Variants in SRPK2 observed in about 807,000 individuals in gnomAD.
SRPK2 encodes SFRS protein kinase 2.
A neutral mutation model predicts 90.8 loss-of-function variants in SRPK2; 21 were observed. The observed-to-expected ratio is 0.23, with a 90% CI of 0.16 to 0.33. The LOEUF is 0.33. Ranked by LOEUF, SRPK2 falls within the 10% of genes least tolerant of loss-of-function variation. The pLI, the probability that SRPK2 is intolerant of heterozygous loss-of-function variation, is 1.00. For missense variants in SRPK2, 620 were observed against 869.0 expected, an observed-to-expected ratio of 0.71 and a Z score of 3.60; for synonymous variants, 288 against 311.1, an observed-to-expected ratio of 0.93 and a Z score of 0.78.
chr7:105,208,468 C>T (rs1585181472), intron 2 of SRPK2, among the ~76,000 whole-genome samples: 1 of 152,158 alleles, frequency 6.6e-6, no homozygotes, highest in East Asian at 1.9e-4. Flanking sequence ...AAATGAAGTA[C>T]TGATATATGC....
At chr7:105,347,682 C>T (rs1816631450) in intron 2 of SRPK2, among the ~76,000 whole-genome samples, 1 of 151,690 alleles carries the variant, frequency 6.6e-6, no homozygotes, top group African/African-American at 2.4e-5. Flanking sequence ...GGCAAGACCC[C>T]CATCTCTGCA....
intron 2 of SRPK2, among the ~76,000 whole-genome samples, chr7:105,263,791 C>T (rs539104869): frequency 6.4e-4 from 98 of 152,204 alleles, no homozygotes; most frequent in Admixed American, 2.7e-3. Flanking sequence ...TTTCAATAAA[C>T]TGTATTTCAT....
At chr7:105,119,692 T>A (rs58002268) in intron 15 of SRPK2, among the ~76,000 whole-genome samples, 1 of 152,132 alleles carries the variant, frequency 6.6e-6, no homozygotes, top group Non-Finnish European at 1.5e-5. Flanking sequence ...ACAGTCTCCA[T>A]AAAAACAAAG....
chr7:105,304,759 A>C (rs1050543723), intron 2 of SRPK2, among the ~76,000 whole-genome samples: 3 of 152,212 alleles, frequency 2.0e-5, no homozygotes, highest in African/African-American at 7.2e-5. Flanking sequence ...TGACTACAGG[A>C]ATCTTGAAAC....
chr7:105,313,423 G>A (rs1460946086), intron 2 of SRPK2, among the ~76,000 whole-genome samples: 1 of 145,810 alleles, frequency 6.9e-6, no homozygotes, highest in Admixed American at 7.0e-5. Context: ...CTCCCGCCTG[G>A]GCAACAGAGT....
upstream of SRPK2, among the ~76,000 whole-genome samples, chr7:105,390,928 C>G (rs1822164057): frequency 1.3e-5 from 2 of 152,078 alleles, no homozygotes; most frequent in Admixed American, 1.3e-4. Flanking sequence ...CTTAGTGCAT[C>G]AAAATATGAT....
At chr7:105,291,459 T>C (rs1386453561) in intron 2 of SRPK2, among the ~76,000 whole-genome samples, 2 of 152,188 alleles carry the variant, frequency 1.3e-5, no homozygotes, top group Non-Finnish European at 2.9e-5. Context: ...CTGGGCACAG[T>C]GGCTCACACC....
intron 2 of SRPK2, among the ~76,000 whole-genome samples, chr7:105,321,936 ACT>A (rs1193849220): frequency 2.0e-5 from 3 of 152,202 alleles, no homozygotes; most frequent in Non-Finnish European, 4.4e-5. Flanking sequence ...CAGCAATTCC[ACT>A]CATAGGTAGA....
intron 2 of SRPK2, among the ~76,000 whole-genome samples, chr7:105,248,899 C>A (rs1256921347): frequency 2.0e-5 from 3 of 150,972 alleles, no homozygotes; most frequent in Non-Finnish European, 4.4e-5. Flanking sequence ...GCACTCCAGC[C>A]TGGGTGACAG....
intron 3 of SRPK2, among the ~76,000 whole-genome samples, chr7:105,194,690 A>G (rs1794703760): frequency 6.6e-6 from 1 of 152,186 alleles, no homozygotes; most frequent in South Asian, 2.1e-4. Flanking sequence ...GTATAAGCTG[A>G]CTCTGAATTT....
chr7:105,143,596 C>G, intron 9 of SRPK2: 1 of 437,408 alleles, frequency 2.3e-6, no homozygotes, highest in East Asian at 4.1e-5. Flanking sequence ...CTTCACCATT[C>G]AAACTCTAAG....
chr7:105,363,160 C>T (rs1686137887), intron 2 of SRPK2, among the ~76,000 whole-genome samples: 1 of 151,916 alleles, frequency 6.6e-6, no homozygotes, highest in South Asian at 2.1e-4. Context: ...ACGTTGTGCA[C>T]ATGTACCCTA....
rs117685567 is a variant in SRPK2, at chr7:105,377,797, A to G, written c.71+10851T>C. 2.8e-3 allele frequency among the ~76,000 whole-genome samples: 429 copies of G among 152,274 alleles called. 10 individuals are homozygous for G. The East Asian group carries it at 0.055, about 20-fold the overall frequency. On this transcript the variant is annotated intron_variant, in intron 2 of 15. Coordinates refer to ENST00000393651, the MANE Select transcript of SRPK2 (RefSeq NM_182692.3). Reference sequence around the variant, plus strand: ...CCCTATTGCAAAAAATGGCAACACCACCCATAAATTTAGCTAATTCAGAAA... The same window carrying G: ...CCCTATTGCAAAAAATGGCAACACCGCCCATAAATTTAGCTAATTCAGAAA...
In SRPK2 at chr7:105,117,768, G is replaced by A; in HGVS notation, c.*70C>T. 4 of 1,508,810 alleles carry A rather than the reference G, an allele frequency of 2.7e-6. No homozygotes were observed. Among genetic ancestry groups the A allele is most frequent in the Non-Finnish European group, 3.7e-6 (4 of 1,093,838 alleles). The allele number at this position is 1,508,810 out of a possible 1,614,324, so 93.5% of individuals were successfully genotyped here. The stretch of plus-strand genomic sequence containing the variant: ...CTCACTTGTAATCCTGTTAAAGAAT[G>A]AGAGTCACCGTTTAGGTCCAATGTA... On this transcript the variant is annotated 3_prime_UTR_variant, in exon 16 of 16. Transcript: ENST00000393651.
Position 105,174,093 on chromosome 7 carries a change from A to C in SRPK2, c.230-4828T>G, listed in dbSNP as rs1033637877. Among the ~76,000 whole-genome samples, 13 of 151,846 alleles carry C rather than the reference A, an allele frequency of 8.6e-5. No individual in the cohort carries two copies. The East Asian group carries it at 1.2e-3, about 14-fold the overall frequency. On this transcript the variant is annotated intron_variant, in intron 3 of 15. Transcript: ENST00000393651. Reference sequence around the variant, plus strand: ...GACCCTGTCTCTAATAAAAAAAAAAAAAAACTCTTATCGGATTACAAACAC... The same window carrying C: ...GACCCTGTCTCTAATAAAAAAAAAACAAAACTCTTATCGGATTACAAACAC...
intron 2 of SRPK2, chr7:105,206,069 G>C (rs1209463789): frequency 3.9e-6 from 2 of 511,650 alleles, no homozygotes; most frequent in Non-Finnish European, 7.8e-6. Flanking sequence ...CATTGCTGTG[G>C]GGCTGTCGTG....
Position 105,369,394 on chromosome 7 carries a change from CACCTTGGCCTCTCA to C in SRPK2, c.71+19240_71+19253del, listed in dbSNP as rs529943746. Among the ~76,000 whole-genome samples the C allele has an allele frequency of 5.5e-4, 83 of 152,112 alleles. 1 individual carries two copies. The highest frequency in any genetic ancestry group is 1.8e-3 in the African/African-American group (75 of 41,496). On this transcript the variant is annotated intron_variant, in intron 2 of 15. Transcript: ENST00000393651. Reference sequence around the variant, plus strand: ...AACTCCTGACCTCAAGTGATTCACCCACCTTGGCCTCTCAAAGTGTTGAGAATACAGGCATGAGC... The same window carrying C: ...AACTCCTGACCTCAAGTGATTCACCCAAGTGTTGAGAATACAGGCATGAGC...
chr7:105,324,905 A>T (rs77397213), intron 2 of SRPK2, among the ~76,000 whole-genome samples: 3 of 152,160 alleles, frequency 2.0e-5, no homozygotes, highest in African/African-American at 7.2e-5. Context: ...AATTAAAATT[A>T]AAAAAATCTG....
intron 2 of SRPK2, chr7:105,244,787 G>A (rs1315237721): frequency 1.0e-6 from 1 of 969,556 alleles, no homozygotes; most frequent in Non-Finnish European, 1.7e-6. Flanking sequence ...CATGATCCCG[G>A]AGGCATGTGG....
Sources: allele counts gnomAD v4.1 joint callset (sites outside exome capture counted in the v4.1 genomes callset), GRCh38; gene constraint gnomAD v4.1.1; transcripts MANE v1.5; gene names NCBI Gene and HGNC (gene_info 2026-07-23, HGNC 2026-07-21).